The following CNGB3 variants were observed in gnomAD, a reference collection of about 807,000 sequenced individuals.
CNGB3 encodes cyclic nucleotide-gated channel beta-3.
CNGB3 carries 86 observed loss-of-function variants against 92.8 expected under a neutral mutation model. The observed-to-expected ratio is 0.93, with a 90% CI of 0.78 to 1.11. CNGB3 has a LOEUF of 1.11. Ranked by LOEUF, CNGB3 falls within the 50% of genes least tolerant of loss-of-function variation. CNGB3 has a pLI of 0.00. For missense variants in CNGB3, 1,026 were observed against 956.8 expected (o/e 1.07, Z -0.95); for synonymous variants, 333 against 332.7 (o/e 1.00, Z -0.01).
intron 9 of CNGB3, 147 bp from the exon 10 acceptor site, chr8:86,644,020 T>G: frequency 1.4e-6 from 1 of 724,752 alleles, no homozygotes; most frequent in Non-Finnish European, 2.3e-6. Context: ...TACAAAGTGA[T>G]GGTGCCATTG....
rs180848502 is a variant in CNGB3, at chr8:86,689,775, T to C, written c.339-18677A>G. 4.1e-3 allele frequency among the ~76,000 whole-genome samples: 609 copies of C among 149,128 alleles called. 1 individual carries two copies. Among genetic ancestry groups the C allele is most frequent in the Non-Finnish European group, 7.3e-3 (491 of 67,184 alleles). On this transcript the variant is annotated intron_variant, in intron 3 of 17. Coordinates refer to ENST00000320005, the MANE Select transcript of CNGB3 (RefSeq NM_019098.5). Reference sequence around the variant, plus strand: ...CCCTTCCTGTGTCCAAGTGTTCTCATTGTTCAATTCCCACCTGTTGTGTGA... The same window carrying C: ...CCCTTCCTGTGTCCAAGTGTTCTCACTGTTCAATTCCCACCTGTTGTGTGA...
chr8:86,712,755 ATTTTT>A (rs10586111), intron 3 of CNGB3, among the ~76,000 whole-genome samples: 6 of 134,564 alleles, frequency 4.5e-5, no homozygotes, highest in Admixed American at 1.5e-4. Flanking sequence ...TCCTGGCTTA[ATTTTT>A]TTTTTTTTTT....
Position 86,683,779 on chromosome 8 carries a change from C to T in CNGB3, c.339-12681G>A, listed in dbSNP as rs149997810. On this transcript the variant is annotated intron_variant, in intron 3 of 17. Transcript: ENST00000320005. ...AACAAATGGTGCTGGAGCAACTGGACGGCCATAGGCAAGAAAAGTGAACTT... is the reference window on the plus strand; with the variant it reads ...AACAAATGGTGCTGGAGCAACTGGATGGCCATAGGCAAGAAAAGTGAACTT... 3.0e-3 allele frequency among the ~76,000 whole-genome samples: 452 copies of T among 152,168 alleles called. 3 individuals are homozygous for T. The highest frequency in any genetic ancestry group is 0.01 in the African/African-American group (422 of 41,532).
chr8:86,706,142 T>C (rs948810625), intron 3 of CNGB3, among the ~76,000 whole-genome samples: 1 of 152,192 alleles, frequency 6.6e-6, no homozygotes, highest in African/African-American at 2.4e-5. Flanking sequence ...AAAAATTATA[T>C]TTATAAAGTA....
chr8:86,651,702 A>G (rs1029627278), intron 7 of CNGB3, among the ~76,000 whole-genome samples: 1 of 151,928 alleles, frequency 6.6e-6, no homozygotes, highest in South Asian at 2.1e-4. Flanking sequence ...ATTTGTGTAG[A>G]CAGAGATAAT....
chr8:86,681,637 A>G (rs1824084009), intron 3 of CNGB3, among the ~76,000 whole-genome samples: 1 of 152,196 alleles, frequency 6.6e-6, no homozygotes, highest in South Asian at 2.1e-4. Context: ...AGTGAAATGA[A>G]TAAGAGAAAA....
At chr8:86,584,927 T>C (rs1159646538) in intron 15 of CNGB3, among the ~76,000 whole-genome samples, 1 of 152,234 alleles carries the variant, frequency 6.6e-6, no homozygotes, top group African/African-American at 2.4e-5. Flanking sequence ...TATTAAAGCA[T>C]GGTATGGTTT....
At position 86,648,127 on chromosome 8, in the gene CNGB3, A is replaced by T. The variant is rs16916427; in HGVS notation, c.904-240T>A. Among the ~76,000 whole-genome samples, 5 of 150,898 alleles carry T rather than the reference A, an allele frequency of 3.3e-5. 1 individual carries two copies. The highest frequency in any genetic ancestry group is 6.0e-5 in the Non-Finnish European group (4 of 67,202). On this transcript the variant is annotated intron_variant, in intron 7 of 17. Transcript: ENST00000320005. ...ACCTCCATGCATCTGATCTCTCCTT[A>T]GGCGTTGCATTTACTGGGATTTTTA...
intron 15 of CNGB3, among the ~76,000 whole-genome samples, chr8:86,600,776 A>ATTTTTTTTTTTTTTT (rs533111246): frequency 2.6e-5 from 1 of 38,424 alleles, no homozygotes; most frequent in African/African-American, 9.3e-5. Flanking sequence ...CGCTCGGCTA[A>ATTTTTTTTTTTTTTT]TTTTTTTTTT....
intron 6 of CNGB3, chr8:86,660,744 G>T: frequency 3.8e-6 from 2 of 527,170 alleles, no homozygotes; most frequent in South Asian, 2.8e-5. Context: ...CCTCCTGAGA[G>T]AACAGGTAAC....
At chr8:86,631,010 C>T (rs923988194) in intron 11 of CNGB3, among the ~76,000 whole-genome samples, 2 of 152,170 alleles carry the variant, frequency 1.3e-5, no homozygotes, top group African/African-American at 4.8e-5. Flanking sequence ...CTTTTATTCA[C>T]TATGAGAGTT....
intron 13 of CNGB3, among the ~76,000 whole-genome samples, chr8:86,623,738 T>C (rs912736293): frequency 1.3e-5 from 2 of 152,210 alleles, no homozygotes; most frequent in Non-Finnish European, 2.9e-5. Flanking sequence ...CCACCCAACC[T>C]ACACTTACTT....
intron 3 of CNGB3, among the ~76,000 whole-genome samples, chr8:86,682,887 A>G (rs757765315): frequency 6.6e-6 from 1 of 152,122 alleles, no homozygotes; most frequent in Non-Finnish European, 1.5e-5. Context: ...TCAGGACTGT[A>G]AGACAGAGTT....
intron 2 of CNGB3, among the ~76,000 whole-genome samples, chr8:86,736,137 G>C (rs890132863): frequency 6.6e-6 from 1 of 152,130 alleles, no homozygotes; most frequent in Non-Finnish European, 1.5e-5. Context: ...TTCTGCAGAA[G>C]ATAAGAGTTC....
chr8:86,657,975 C>A (rs1243607074), intron 6 of CNGB3: 3 of 548,328 alleles, frequency 5.5e-6, no homozygotes, highest in East Asian at 4.4e-5. Flanking sequence ...TCTCTCCAGA[C>A]AGCTGGATGC....
chr8:86,634,181 A>G (rs1216105173), intron 10 of CNGB3, among the ~76,000 whole-genome samples: 1 of 152,214 alleles, frequency 6.6e-6, no homozygotes, highest in African/African-American at 2.4e-5. Context: ...CATAAAAGCA[A>G]TATCCATTCA....
intron 17 of CNGB3, 133 bp from the exon 18 acceptor site, chr8:86,576,263 G>T: frequency 1.0e-6 from 1 of 982,402 alleles, no homozygotes; most frequent in Non-Finnish European, 1.5e-6. Flanking sequence ...CAGGAATCAT[G>T]TCTGCTTTGC....
At chr8:86,722,060 G>T (rs892829267) in intron 3 of CNGB3, among the ~76,000 whole-genome samples, 3 of 152,082 alleles carry the variant, frequency 2.0e-5, no homozygotes, top group Non-Finnish European at 4.4e-5. Context: ...AGTAACAATG[G>T]TGATGAAAAG....
chr8:86,607,611 T>A (rs1007538671), intron 14 of CNGB3, among the ~76,000 whole-genome samples: 8 of 152,178 alleles, frequency 5.3e-5, no homozygotes, highest in African/African-American at 1.7e-4. Context: ...GAGTTCTTAC[T>A]GCAGAAATAT....
Sources: allele counts gnomAD v4.1 joint callset (sites outside exome capture counted in the v4.1 genomes callset), GRCh38; gene constraint gnomAD v4.1.1; transcripts MANE v1.5; gene names NCBI Gene and HGNC (gene_info 2026-07-23, HGNC 2026-07-21).